Variants in PLCB4 observed in about 807,000 individuals in gnomAD.
PLCB4 encodes the protein phospholipase C beta 4.
In PLCB4, 77 loss-of-function variants were observed where a neutral mutation model predicts 178.8. The ratio of observed to expected loss-of-function variants is 0.43; its 90% CI spans 0.36 to 0.52. The LOEUF (loss-of-function observed/expected upper bound fraction) is 0.52, where lower values mean the gene tolerates loss of function less well. Among genes scored for constraint, PLCB4 ranks in the 20% least tolerant of loss-of-function variants. PLCB4 has a pLI of 0.00. For missense variants in PLCB4, 1,024 were observed against 1,453.4 expected, an observed-to-expected ratio of 0.70 and a Z score of 4.80; for synonymous variants, 496 against 490.8, an observed-to-expected ratio of 1.01 and a Z score of -0.14.
chr20:9,466,490 A>G (rs919845736), intron 35 of PLCB4, among the ~76,000 whole-genome samples: 3 of 152,252 alleles, frequency 2.0e-5, no homozygotes, highest in Admixed American at 2.0e-4. Context: ...ATTAGAGTGA[A>G]CAGGCAACTC....
At chr20:9,252,008 C>T (rs146348451) in intron 3 of PLCB4, among the ~76,000 whole-genome samples, 2 of 152,174 alleles carry the variant, frequency 1.3e-5, no homozygotes, top group Admixed American at 6.5e-5. Flanking sequence ...GCCTATAGCA[C>T]GTCTCAATTC....
intron 2 of PLCB4, among the ~76,000 whole-genome samples, chr20:9,168,068 T>C (rs1228455151): frequency 3.9e-5 from 6 of 152,204 alleles, no homozygotes; most frequent in East Asian, 1.9e-4. Context: ...TTGATAGTTA[T>C]TACCTGTTGG....
chr20:9,158,970 T>C (rs2092837708), intron 2 of PLCB4, among the ~76,000 whole-genome samples: 1 of 152,206 alleles, frequency 6.6e-6, no homozygotes, highest in Admixed American at 6.5e-5. Flanking sequence ...TTGTCTAAAA[T>C]ACAAAGATGT....
chr20:9,281,459 A>G (rs753992568), intron 3 of PLCB4, among the ~76,000 whole-genome samples: 5 of 152,026 alleles, frequency 3.3e-5, no homozygotes, highest in Non-Finnish European at 5.9e-5. Flanking sequence ...AAATATTTAA[A>G]ATAAGTCATG....
chr20:9,239,986 G>T (rs538153877), intron 3 of PLCB4, among the ~76,000 whole-genome samples: 1 of 152,162 alleles, frequency 6.6e-6, no homozygotes, highest in Non-Finnish European at 1.5e-5. Flanking sequence ...TTCTAGCTGC[G>T]CTGGCAGCTG....
intron 3 of PLCB4, among the ~76,000 whole-genome samples, chr20:9,303,011 C>G (rs1010282500): frequency 6.6e-6 from 1 of 152,042 alleles, no homozygotes; most frequent in African/African-American, 2.4e-5. Flanking sequence ...ATGTTTTGCC[C>G]ACCATTCTTC....
chr20:9,076,271 A>C (rs2089861026), intron 1 of PLCB4, among the ~76,000 whole-genome samples: 1 of 152,136 alleles, frequency 6.6e-6, no homozygotes, highest in South Asian at 2.1e-4. Flanking sequence ...GTTTGAGACT[A>C]GCCTGGCCAA....
At chr20:9,206,948 C>G (rs2093622006) in intron 2 of PLCB4, among the ~76,000 whole-genome samples, 1 of 152,144 alleles carries the variant, frequency 6.6e-6, no homozygotes, top group African/African-American at 2.4e-5. Flanking sequence ...GAAACCCCAT[C>G]TCTACTAAAA....
At chr20:9,202,958 T>C (rs6140894) in intron 2 of PLCB4, among the ~76,000 whole-genome samples, 59,744 of 149,618 alleles carry the variant, frequency 0.4, 11,989 homozygotes, top group South Asian at 0.5. Context: ...AGGTAACTGC[T>C]GTATCGCACT....
chr20:9,320,526 G>A lies in PLCB4; in HGVS notation c.84+12628G>A, dbSNP rs183589283. Among the ~76,000 whole-genome samples, 376 of 152,260 alleles carry A rather than the reference G, an allele frequency of 2.5e-3. 1 individual carries two copies. The highest frequency in any genetic ancestry group is 4.1e-3 in the Non-Finnish European group (279 of 68,034). On this transcript the variant is annotated intron_variant, in intron 4 of 39. Coordinates refer to ENST00000378473, the MANE Select transcript of PLCB4 (RefSeq NM_001377142.1). ...TAACTAAGAATGCCTAACCTCCTGGGAATGTAGCCTAGTAGGTCTCAGCCT... is the reference window on the plus strand; with the variant it reads ...TAACTAAGAATGCCTAACCTCCTGGAAATGTAGCCTAGTAGGTCTCAGCCT...
intron 3 of PLCB4, among the ~76,000 whole-genome samples, chr20:9,273,259 A>G (rs973058784): frequency 8.5e-5 from 13 of 152,238 alleles, no homozygotes; most frequent in Non-Finnish European, 1.3e-4. Flanking sequence ...TCGAGCAACA[A>G]TGAAACGTCA....
At chr20:9,399,405 G>A (rs774504981) in intron 19 of PLCB4, among the ~76,000 whole-genome samples, 1 of 152,240 alleles carries the variant, frequency 6.6e-6, no homozygotes, top group Non-Finnish European at 1.5e-5. Flanking sequence ...TAGTGCCACT[G>A]TATGAATCTA....
chr20:9,240,038 C>G (rs1485831110), intron 3 of PLCB4, among the ~76,000 whole-genome samples: 4 of 152,190 alleles, frequency 2.6e-5, no homozygotes, highest in African/African-American at 9.7e-5. Context: ...GTCTGCCTCT[C>G]CCAGTCCACT....
At chr20:9,347,698 C>G (rs1288029471) in intron 7 of PLCB4, among the ~76,000 whole-genome samples, 4 of 152,196 alleles carry the variant, frequency 2.6e-5, no homozygotes, top group Non-Finnish European at 5.9e-5. Context: ...GAAGGACTGG[C>G]TGGGCATGGT....
intron 28 of PLCB4, among the ~76,000 whole-genome samples, chr20:9,424,328 T>C (rs2040849571): frequency 6.6e-6 from 1 of 152,156 alleles, no homozygotes. Context: ...AGATTTAAAT[T>C]GAACTCAGCT....
intron 19 of PLCB4, among the ~76,000 whole-genome samples, chr20:9,396,675 A>G (rs1384488229): frequency 2.0e-5 from 3 of 152,248 alleles, no homozygotes; most frequent in Non-Finnish European, 4.4e-5. Context: ...CCTTGGAAAT[A>G]TTGCAGATTC....
At chr20:9,390,485 G>C (rs1444026704) in intron 16 of PLCB4, 46 bp from the exon 17 acceptor site, 1 of 871,968 alleles carries the variant, frequency 1.1e-6, no homozygotes. Context: ...ATTCTTGGAC[G>C]GTTAATGGGT....
chr20:9,415,382 A>G (rs1299003580), intron 25 of PLCB4, among the ~76,000 whole-genome samples: 1 of 152,236 alleles, frequency 6.6e-6, no homozygotes, highest in African/African-American at 2.4e-5. Flanking sequence ...AGCAACTTGC[A>G]GTTATCATCA....
At chr20:9,273,688 G>GTA (rs1489740865) in intron 3 of PLCB4, among the ~76,000 whole-genome samples, 1 of 145,422 alleles carries the variant, frequency 6.9e-6, no homozygotes, top group Non-Finnish European at 1.6e-5. Flanking sequence ...GTGTGTGTGT[G>GTA]TGTGTGTGTG....
Sources: allele counts gnomAD v4.1 joint callset (sites outside exome capture counted in the v4.1 genomes callset), GRCh38; gene constraint gnomAD v4.1.1; transcripts MANE v1.5; gene names NCBI Gene and HGNC (gene_info 2026-07-23, HGNC 2026-07-21).